Variants in LRP5 observed in about 807,000 individuals in gnomAD.
LRP5 encodes the protein LDL receptor related protein 5.
In LRP5, 62 loss-of-function variants were observed where a neutral mutation model predicts 154.1. The observed-to-expected ratio is 0.40, with a 90% confidence interval of 0.33 to 0.50. LRP5 has a LOEUF of 0.50. Ranked by LOEUF, LRP5 falls within the 20% of genes least tolerant of loss-of-function variation. LRP5 has a pLI of 0.55. For synonymous variants in LRP5, 966 were observed against 1,011.5 expected, an observed-to-expected ratio of 0.96 and a Z score of 0.85; for missense variants, 1,915 against 2,336.7, an observed-to-expected ratio of 0.82 and a Z score of 3.72.
At chr11:68,363,677 A>C in intron 3 of LRP5, 70 bp from the exon 4 acceptor site, 2 of 1,276,560 alleles carry the variant, frequency 1.6e-6, no homozygotes, top group Non-Finnish European at 1.1e-6. Flanking sequence ...AAAGAAATTA[A>C]TTGGGTCAGC....
chr11:68,416,662 G>A, intron 13 of LRP5, 135 bp downstream of exon 13: 4 of 802,666 alleles, frequency 5.0e-6, no homozygotes, highest in South Asian at 1.5e-5. Context: ...CTTGGGCTTC[G>A]ATTATGTAGT....
At chr11:68,346,808 C>A (rs1323379428) in intron 1 of LRP5, among the ~76,000 whole-genome samples, 1 of 152,258 alleles carries the variant, frequency 6.6e-6, no homozygotes, top group Non-Finnish European at 1.5e-5. Context: ...TAACCTCCTC[C>A]TGTCCACATC....
chr11:68,314,565 T>C (rs1167978540), intron 1 of LRP5, among the ~76,000 whole-genome samples: 4 of 152,246 alleles, frequency 2.6e-5, no homozygotes. Context: ...TCCTGATTGC[T>C]TCCTGTTGCA....
Position 68,446,464 on chromosome 11 carries a change from C to T in LRP5, c.4517C>T (p.Thr1506Met), listed in dbSNP as rs371173423. The T allele has an allele frequency of 1.3e-4, 213 of 1,613,930 alleles. No individual in the cohort carries two copies. Among genetic ancestry groups the T allele is most frequent in the Non-Finnish European group, 1.8e-4 (208 of 1,179,938 alleles). The change falls in exon 22 of 23, where the codon ACG becomes ATG. Residue 1506 changes from threonine to methionine, a missense_variant. Coordinates refer to ENST00000294304, the MANE Select transcript of LRP5 (RefSeq NM_002335.4). Reference protein sequence around the residue: ...PILNPPPSPATDPSLYNMDMF... With the variant: ...PILNPPPSPAMDPSLYNMDMF... ...CTGAACCCGCCGCCCTCCCCGGCCA[C>T]GGACCCCTCCCTGTACAACATGGAC...
chr11:68,440,195 G>A (rs565053542), intron 21 of LRP5, among the ~76,000 whole-genome samples: 13 of 152,300 alleles, frequency 8.5e-5, no homozygotes, highest in African/African-American at 2.6e-4. Flanking sequence ...CCAGGCGGCC[G>A]TCTGTGTTCC....
Position 68,415,225 on chromosome 11 carries a change from G to A in LRP5, c.2828-1103G>A, listed in dbSNP as rs529440565. On this transcript the variant is annotated intron_variant, in intron 12 of 22. Transcript: ENST00000294304. Reference sequence around the variant, plus strand: ...TACCAGTGCACTGAGAGGAGGCCCAGCTTGATTCTGGGGCTGCCTTGTGGT... The same window carrying A: ...TACCAGTGCACTGAGAGGAGGCCCAACTTGATTCTGGGGCTGCCTTGTGGT... Among the ~76,000 whole-genome samples, 3 of 152,318 alleles carry A rather than the reference G, an allele frequency of 2.0e-5. No homozygotes were observed. In the East Asian group the frequency reaches 5.8e-4, roughly 29 times the overall value.
chr11:68,395,497 C>T (rs917526911), intron 7 of LRP5, among the ~76,000 whole-genome samples: 38 of 151,980 alleles, frequency 2.5e-4, no homozygotes, highest in African/African-American at 4.4e-4. Flanking sequence ...GCGCAGGGCA[C>T]GGGTGTCTTT....
rs58477287 is a variant in LRP5 at position 68,344,849 on chromosome 11, C to CTTTTTTTTTTTTTT, written c.92-2981_92-2968dup. On this transcript the variant is annotated intron_variant, in intron 1 of 22. Coordinates refer to ENST00000294304, the MANE Select transcript of LRP5 (RefSeq NM_002335.4). ...TTGTAGCATGTGTCAGAATCTCTCT[C>CTTTTTTTTTTTTTT]TTTTTTTTTTTTTTTTTTTTTTTTT... 7.6e-5 allele frequency among the ~76,000 whole-genome samples: 5 copies of CTTTTTTTTTTTTTT among 65,548 alleles called. 1 individual carries two copies. The highest frequency in any genetic ancestry group is 1.5e-4 in the Non-Finnish European group (5 of 34,236). 43.0% of individuals were successfully genotyped at this position (65,548 alleles called of 152,430 possible).
intron 1 of LRP5, among the ~76,000 whole-genome samples, chr11:68,317,407 C>G (rs991432561): frequency 2.6e-5 from 4 of 152,216 alleles, no homozygotes; most frequent in African/African-American, 9.6e-5. Flanking sequence ...GCACCCTTGT[C>G]CAGATGGGGA....
In LRP5 at chr11:68,447,279, C is replaced by G. The variant is rs954376695; in HGVS notation, c.4586+746C>G. The stretch of plus-strand genomic sequence containing the variant: ...CGCCAGCCGCACCAGGCCCCACCCC[C>G]GCAGGTGAAGGGGTGGGATAGGCTG... On this transcript the variant is annotated intron_variant, in intron 22 of 22. Coordinates refer to ENST00000294304, the MANE Select transcript of LRP5 (RefSeq NM_002335.4). This position sits in a 1 kb window ranked among gnomAD's most constrained non-coding sequence, Gnocchi z 4.3. 1.3e-5 allele frequency: 2 copies of G among 153,662 alleles called. No homozygotes were observed. Among genetic ancestry groups the G allele is most frequent in the African/African-American group, 2.4e-5 (1 of 41,458 alleles). The allele number at this position is 153,662 out of a possible 1,614,324, so 9.5% of individuals were successfully genotyped here. A position where few individuals can be genotyped will look rare whatever the true frequency, so the allele number is the denominator to read the frequency against.
intron 1 of LRP5, among the ~76,000 whole-genome samples, chr11:68,319,499 GC>G (rs2098595488): frequency 2.0e-5 from 3 of 152,050 alleles, no homozygotes; most frequent in African/African-American, 7.2e-5. Flanking sequence ...ACAGGCATGA[GC>G]CGCTGTGCCC....
chr11:68,352,195 TG>T lies in LRP5; in HGVS notation c.488+3957del, dbSNP rs778150798. Reference sequence around the variant, plus strand: ...AGCAGCAGCGGGGACACCTCACTTGTGGGGGTAAGGAGTGGCGAGATTTGGG... The same window carrying T: ...AGCAGCAGCGGGGACACCTCACTTGTGGGGTAAGGAGTGGCGAGATTTGGG... On this transcript the variant is annotated intron_variant, in intron 2 of 22. Coordinates refer to ENST00000294304, the MANE Select transcript of LRP5 (RefSeq NM_002335.4). 2.0e-5 allele frequency among the ~76,000 whole-genome samples: 3 copies of T among 151,958 alleles called. No individual in the cohort carries two copies. In the East Asian group the frequency reaches 5.8e-4, roughly 29 times the overall value.
At chr11:68,328,602 G>A (rs533141858) in intron 1 of LRP5, among the ~76,000 whole-genome samples, 25 of 152,314 alleles carry the variant, frequency 1.6e-4, no homozygotes, top group African/African-American at 5.5e-4. Context: ...CAGCCCAGCC[G>A]ACTGTCGGGG....
chr11:68,390,681 C>T (rs1191053215), intron 7 of LRP5, among the ~76,000 whole-genome samples: 1 of 140,578 alleles, frequency 7.1e-6, no homozygotes, highest in African/African-American at 2.7e-5. Context: ...TGGCCTCGTC[C>T]CGTGGACGCA....
At position 68,342,947 on chromosome 11, in the gene LRP5, C is replaced by T. The variant is rs1039170649; in HGVS notation, c.92-4900C>T. Among the ~76,000 whole-genome samples the T allele has an allele frequency of 2.0e-5, 3 of 152,326 alleles. No homozygotes were observed. The East Asian group carries it at 5.8e-4, about 29-fold the overall frequency. ...CTCGGCTGGGCTGGCCAGGGCCCCC[C>T]GCTGGGACCTCCAGCTGTAATAGGG... On this transcript the variant is annotated intron_variant, in intron 1 of 22. Coordinates refer to ENST00000294304, the MANE Select transcript of LRP5 (RefSeq NM_002335.4).
intron 1 of LRP5, among the ~76,000 whole-genome samples, chr11:68,334,983 C>T (rs559638509): frequency 1.3e-5 from 2 of 152,110 alleles, no homozygotes; most frequent in South Asian, 4.1e-4. Context: ...TTATTGAATA[C>T]TGAACCATTG....
intron 1 of LRP5, among the ~76,000 whole-genome samples, chr11:68,326,884 C>T (rs2098600019): frequency 6.6e-6 from 1 of 152,188 alleles, no homozygotes; most frequent in Admixed American, 6.5e-5. Flanking sequence ...CATGGAGTCT[C>T]GCTCCTAGGT....
rs532812983 is a variant in LRP5 at position 68,318,830 on chromosome 11, C to T, written c.91+6025C>T. 3.7e-4 allele frequency among the ~76,000 whole-genome samples: 56 copies of T among 152,322 alleles called. 1 individual carries two copies. In the South Asian group the frequency reaches 9.7e-3, roughly 26 times the overall value. On this transcript the variant is annotated intron_variant, in intron 1 of 22. Transcript: ENST00000294304. ...CAAGAATCCAGGGCCCTGCAGGGCT[C>T]AGAGCCCTCTCCCTGCCTCCCTGTG...
At chr11:68,365,806 C>T (rs577090979) in intron 5 of LRP5, 104 bp downstream of exon 5, 41 of 1,172,976 alleles carry the variant, frequency 3.5e-5, no homozygotes, top group Admixed American at 3.5e-4. Flanking sequence ...CAAACCCGTT[C>T]GAAATGATCC....
Sources: allele counts gnomAD v4.1 joint callset (sites outside exome capture counted in the v4.1 genomes callset), GRCh38; gene constraint gnomAD v4.1.1; non-coding constraint Gnocchi (gnomAD v3.1); transcripts MANE v1.5; gene names NCBI Gene and HGNC (gene_info 2026-07-23, HGNC 2026-07-21).